Variants in RNF19A observed in about 807,000 individuals in gnomAD.
The protein encoded by RNF19A is E3 ubiquitin-protein ligase RNF19A.
A neutral mutation model predicts 75.7 loss-of-function variants in RNF19A; 32 were observed. That is an observed-to-expected ratio of 0.42 (90% CI 0.32 to 0.57). RNF19A has a LOEUF of 0.57. RNF19A is among the 20% of genes least tolerant of loss of function. The pLI is 0.10. For missense variants in RNF19A, 782 were observed against 1,036.3 expected (o/e 0.75, Z 3.37); for synonymous variants, 335 against 345.2 (o/e 0.97, Z 0.33).
chr8:100,288,204 T>C lies in RNF19A; in HGVS notation c.-30A>G. 6.5e-7 allele frequency: 1 copy of C among 1,540,980 alleles called. No homozygotes were observed. The highest frequency in any genetic ancestry group is 1.3e-5 in the South Asian group (1 of 79,870). On this transcript the variant is annotated 5_prime_UTR_variant, in exon 2 of 10. Coordinates refer to ENST00000341084, the MANE Select transcript of RNF19A (RefSeq NM_183419.4). ...ATTAAGTCATGATGTAAGAATATCC[T>C]ACTTGGTTCCTTCAGAGAATTCTTG...
Position 100,322,401 on chromosome 8 carries a change from C to T in RNF19A, c.-242-9029G>A, listed in dbSNP as rs1167637868. Among the ~76,000 whole-genome samples the T allele has an allele frequency of 3.9e-5, 6 of 152,244 alleles. No homozygotes were observed. The highest frequency in any genetic ancestry group is 7.2e-5 in the African/African-American group (3 of 41,458). ...CTAGCTTCAAACTTTTCTTCTGAAG[C>T]TTCCTTACCTCTCAGCTTTCATAAA... On this transcript the variant is annotated intron_variant, in intron 1 of 3. Coordinates refer to the RNF19A transcript ENST00000519527. This position sits in a 1 kb window ranked among gnomAD's most constrained non-coding sequence, Gnocchi z 5.1.
chr8:100,261,849 A>C lies in RNF19A; in HGVS notation c.1469-94T>G. 1 of 1,285,566 alleles carries C rather than the reference A, an allele frequency of 7.8e-7. No individual in the cohort carries two copies. Among genetic ancestry groups the C allele is most frequent in the East Asian group, 2.3e-5 (1 of 43,146 alleles). The allele number at this position is 1,285,566 out of a possible 1,614,324, so 79.6% of individuals were successfully genotyped here. A position where few individuals can be genotyped will look rare whatever the true frequency, so the allele number is the denominator to read the frequency against. On this transcript the variant is annotated intron_variant, in intron 7 of 9. Transcript: ENST00000341084. The surrounding 1 kb of genome is among the most constrained non-coding windows in gnomAD (Gnocchi z 4.4). ...ATGATTTCAGAGAGGACATTATATA[A>C]GGTATAAAATATACGCAGACATGGA...
chr8:100,289,856 A>G (rs1313659570), intron 1 of RNF19A, among the ~76,000 whole-genome samples: 1 of 152,244 alleles, frequency 6.6e-6, no homozygotes, highest in Non-Finnish European at 1.5e-5. Context: ...TCACAATAGC[A>G]TTAGTAATAA....
In RNF19A at chr8:100,324,872, C is replaced by CT. The variant is rs922461043; in HGVS notation, c.-243+11235dup. ...CTCCCTCCTTCCTTTCTCTCTTTCT[C>CT]TTTTTTTTCTTTCTTTCTCTCTCTC... On this transcript the variant is annotated intron_variant, in intron 1 of 3. Coordinates refer to the RNF19A transcript ENST00000519527. This position sits in a 1 kb window ranked among gnomAD's most constrained non-coding sequence, Gnocchi z 4.2. Among the ~76,000 whole-genome samples, 6 of 133,000 alleles carry CT rather than the reference C, an allele frequency of 4.5e-5. No homozygotes were observed. The highest frequency in any genetic ancestry group is 2.1e-4 in the East Asian group (1 of 4,730). The allele number at this position is 133,000 out of a possible 152,430, so 87.3% of individuals were successfully genotyped here.
intron 2 of RNF19A, among the ~76,000 whole-genome samples, chr8:100,277,647 T>C (rs1374283112): frequency 6.6e-6 from 1 of 152,214 alleles, no homozygotes; most frequent in African/African-American, 2.4e-5. Flanking sequence ...TACCATTCTC[T>C]ATCCAGATAT....
At position 100,325,063 on chromosome 8, in the gene RNF19A, C is replaced by A. The variant is rs948828976; in HGVS notation, c.-243+11045G>T. 1.3e-5 allele frequency among the ~76,000 whole-genome samples: 2 copies of A among 152,060 alleles called. No individual in the cohort carries two copies. The highest frequency in any genetic ancestry group is 4.8e-5 in the African/African-American group (2 of 41,400). ...CTGGAATTACAGGTGCCTACCACCA[C>A]AACCGGCTAATTTTTTGTATTTTTA... is the stretch of plus-strand genomic sequence containing the variant. On this transcript the variant is annotated intron_variant, in intron 1 of 3. Transcript: ENST00000519527. The surrounding 1 kb of genome is among the most constrained non-coding windows in gnomAD (Gnocchi z 4.3).
In RNF19A at chr8:100,264,071, TTCA is replaced by T; in HGVS notation, c.1428_1430del (p.Asp476del). ...TAGTTCCACCAACATTTATATCATT[TTCA>T]TCATCAAATTCAATCCTAACTCCTT... is the stretch of plus-strand genomic sequence containing the variant. On this transcript the variant is annotated inframe_deletion, in exon 7 of 10. Coordinates refer to ENST00000341084, the MANE Select transcript of RNF19A (RefSeq NM_183419.4). The surrounding 1 kb of genome is among the most constrained non-coding windows in gnomAD (Gnocchi z 4.7). 6.2e-7 allele frequency: 1 copy of T among 1,613,674 alleles called. No homozygotes were observed. Among genetic ancestry groups the T allele is most frequent in the Non-Finnish European group, 8.5e-7 (1 of 1,179,686 alleles).
intron 1 of RNF19A, among the ~76,000 whole-genome samples, chr8:100,326,735 G>A (rs1822538857): frequency 6.6e-6 from 1 of 151,926 alleles, no homozygotes; most frequent in African/African-American, 2.4e-5. Flanking sequence ...CTCCTTATGG[G>A]CCTTAATATT....
chr8:100,324,794 T>G lies in RNF19A; in HGVS notation c.-243+11314A>C, dbSNP rs1280811660. On this transcript the variant is annotated intron_variant, in intron 1 of 3. Coordinates refer to the RNF19A transcript ENST00000519527. The surrounding 1 kb of genome is among the most constrained non-coding windows in gnomAD (Gnocchi z 4.2). ...AAAGGCATTGATCTATCTTTTTTCT[T>G]TCTTTCTCTTTCTTCTTCCTTCCTT... Among the ~76,000 whole-genome samples, 3 of 151,976 alleles carry G rather than the reference T, an allele frequency of 2.0e-5. No homozygotes were observed. Among genetic ancestry groups the G allele is most frequent in the Non-Finnish European group, 2.9e-5 (2 of 67,948 alleles).
chr8:100,330,115 C>T lies in RNF19A; in HGVS notation c.-243+5993G>A, dbSNP rs1026349400. ...CTTAGAGTTCATAATTATTCTCTAC[C>T]GACGTTTCCATCCAAACACCATCCC... On this transcript the variant is annotated intron_variant, in intron 1 of 3. Transcript: ENST00000519527. The surrounding 1 kb of genome is among the most constrained non-coding windows in gnomAD (Gnocchi z 4.1). 2.0e-5 allele frequency among the ~76,000 whole-genome samples: 3 copies of T among 152,000 alleles called. No individual in the cohort carries two copies. The highest frequency in any genetic ancestry group is 1.9e-4 in the East Asian group (1 of 5,186).
chr8:100,316,654 C>G (rs1207124671), intron 1 of RNF19A, among the ~76,000 whole-genome samples: 1 of 152,216 alleles, frequency 6.6e-6, no homozygotes, highest in Non-Finnish European at 1.5e-5. Context: ...AATCCCTGAG[C>G]TAGACATAAA....
Position 100,293,005 on chromosome 8 carries a change from T to G in RNF19A, c.-93-4738A>C, listed in dbSNP as rs966065867. On this transcript the variant is annotated intron_variant, in intron 1 of 9. Coordinates refer to ENST00000341084, the MANE Select transcript of RNF19A (RefSeq NM_183419.4). ...GGTGGGGGGTGGGAGCAAGGATGGT[T>G]TCATCAGGCATTATATTCTCATATG... Among the ~76,000 whole-genome samples the G allele has an allele frequency of 2.0e-5, 3 of 152,170 alleles. No individual in the cohort carries two copies. In the East Asian group the frequency reaches 5.8e-4, roughly 29 times the overall value.
upstream of RNF19A, among the ~76,000 whole-genome samples, chr8:100,311,871 C>T (rs1822304393): frequency 6.6e-6 from 1 of 152,098 alleles, no homozygotes; most frequent in African/African-American, 2.4e-5. Context: ...TAATATTTTC[C>T]AGAGATGCTG....
In RNF19A at chr8:100,269,057, C is replaced by CT. The variant is rs1820131720; in HGVS notation, c.1029-111dup. On this transcript the variant is annotated intron_variant, in intron 4 of 9. Transcript: ENST00000341084. The surrounding 1 kb of genome is among the most constrained non-coding windows in gnomAD (Gnocchi z 5.7). Reference sequence around the variant, plus strand: ...TTTAAAAACTTCTCATAGTTAGGAGCTTTTTTCCCCTTTAAATTCTGAGTT... The same window carrying CT: ...TTTAAAAACTTCTCATAGTTAGGAGCTTTTTTTCCCCTTTAAATTCTGAGTT... 2.8e-6 allele frequency: 2 copies of CT among 704,136 alleles called. No individual in the cohort carries two copies. Among genetic ancestry groups the CT allele is most frequent in the Non-Finnish European group, 4.2e-6 (2 of 472,888 alleles). 43.6% of individuals were successfully genotyped at this position (704,136 alleles called of 1,614,324 possible). A position where few individuals can be genotyped will look rare whatever the true frequency, so the allele number is the denominator to read the frequency against.
At chr8:100,271,155 C>CTTTT (rs76372478) in intron 3 of RNF19A, among the ~76,000 whole-genome samples, 1 of 131,320 alleles carries the variant, frequency 7.6e-6, no homozygotes, top group South Asian at 2.4e-4. Flanking sequence ...ACCAAAGATG[C>CTTTT]TTTTTTTTTT....
intron 1 of RNF19A, among the ~76,000 whole-genome samples, chr8:100,298,198 TAAA>T (rs35748790): frequency 1.4e-5 from 2 of 144,394 alleles, no homozygotes; most frequent in Non-Finnish European, 3.0e-5. Context: ...TGTATTGGGT[TAAA>T]AAAAAAAAAA....
Position 100,320,826 on chromosome 8 carries a change from A to G in RNF19A, c.-242-7454T>C, listed in dbSNP as rs1822455828. On this transcript the variant is annotated intron_variant, in intron 1 of 3. Transcript: ENST00000519527. Reference sequence around the variant, plus strand: ...TCCAGACCACCAAAATAAAATAAATATTGCAATAAAACGAGACACACAAAT... The same window carrying G: ...TCCAGACCACCAAAATAAAATAAATGTTGCAATAAAACGAGACACACAAAT... Among the ~76,000 whole-genome samples the G allele has an allele frequency of 2.0e-5, 3 of 152,346 alleles. No individual in the cohort carries two copies. The South Asian group carries it at 6.2e-4, about 32-fold the overall frequency.
intron 1 of RNF19A, among the ~76,000 whole-genome samples, chr8:100,300,971 C>T (rs1821797601): frequency 6.6e-6 from 1 of 152,238 alleles, no homozygotes; most frequent in African/African-American, 2.4e-5. Flanking sequence ...GCTGCACCAA[C>T]TTTATGTGGC....
rs1819499849 is a variant in RNF19A, at chr8:100,257,275, G to A, written c.*1281C>T. ...ATTTTTCTTTTTACCAAAAGAAAAC[G>A]CTCAGTAGCACCATAATGGTAATAC... On this transcript the variant is annotated 3_prime_UTR_variant, in exon 10 of 10. Coordinates refer to ENST00000341084, the MANE Select transcript of RNF19A (RefSeq NM_183419.4). 1 of 152,634 alleles carries A rather than the reference G, an allele frequency of 6.6e-6. No homozygotes were observed. Among genetic ancestry groups the A allele is most frequent in the East Asian group, 1.9e-4 (1 of 5,188 alleles). The allele number at this position is 152,634 out of a possible 1,614,324, so 9.5% of individuals were successfully genotyped here. A position where few individuals can be genotyped will look rare whatever the true frequency, so the allele number is the denominator to read the frequency against.
Sources: allele counts gnomAD v4.1 joint callset (sites outside exome capture counted in the v4.1 genomes callset), GRCh38; gene constraint gnomAD v4.1.1; non-coding constraint Gnocchi (gnomAD v3.1); transcripts MANE v1.5; gene names NCBI Gene and HGNC (gene_info 2026-07-23, HGNC 2026-07-21).